Variants in DOK6 observed in about 807,000 individuals in gnomAD.
DOK6 encodes the protein downstream of tyrosine kinase 6.
Under a neutral mutation model 44.0 loss-of-function variants are expected in DOK6, and 22 were observed. The ratio of observed to expected loss-of-function variants is 0.50; its 90% CI spans 0.36 to 0.71. The LOEUF (loss-of-function observed/expected upper bound fraction) is 0.71, where lower values mean the gene tolerates loss of function less well. Ranked by LOEUF, DOK6 falls within the 30% of genes least tolerant of loss-of-function variation. The pLI is 0.00. For synonymous variants in DOK6, 166 were observed against 145.5 expected, an observed-to-expected ratio of 1.14 and a Z score of -1.01; for missense variants, 340 against 416.4, an observed-to-expected ratio of 0.82 and a Z score of 1.60.
At chr18:69,784,079 C>T (rs922641205) in intron 7 of DOK6, among the ~76,000 whole-genome samples, 42 of 151,958 alleles carry the variant, frequency 2.8e-4, no homozygotes, top group Admixed American at 2.7e-3. Context: ...CTCAGCTACT[C>T]GGGAAGCTGA....
At chr18:69,588,679 G>A (rs1038059944) in intron 2 of DOK6, among the ~76,000 whole-genome samples, 9 of 152,138 alleles carry the variant, frequency 5.9e-5, no homozygotes, top group African/African-American at 1.7e-4. Context: ...GCTTGTTGGA[G>A]GGGCAGATAA....
chr18:69,676,192 A>T (rs972413402), intron 3 of DOK6, among the ~76,000 whole-genome samples: 13 of 152,218 alleles, frequency 8.5e-5, no homozygotes, highest in African/African-American at 3.1e-4. Flanking sequence ...TTTCGTAAAT[A>T]AAAGTGCTTC....
intron 7 of DOK6, among the ~76,000 whole-genome samples, chr18:69,818,870 A>C (rs1394343297): frequency 1.3e-5 from 2 of 152,138 alleles, no homozygotes; most frequent in African/African-American, 4.8e-5. Flanking sequence ...TGGCACAACC[A>C]CCAATAGTCA....
intron 7 of DOK6, among the ~76,000 whole-genome samples, chr18:69,826,631 T>C (rs1484848720): frequency 6.6e-6 from 1 of 152,176 alleles, no homozygotes; most frequent in Non-Finnish European, 1.5e-5. Context: ...TCTGATCTCT[T>C]ACTTTCTATT....
At position 69,843,821 on chromosome 18, in the gene DOK6, G is replaced by A. The variant is rs994075702; in HGVS notation, c.*2438G>A. 2 of 152,128 alleles carry A rather than the reference G, an allele frequency of 1.3e-5. No homozygotes were observed. Among genetic ancestry groups the A allele is most frequent in the Non-Finnish European group, 2.9e-5 (2 of 68,040 alleles). The allele number at this position is 152,128 out of a possible 1,614,324, so 9.4% of individuals were successfully genotyped here. On this transcript the variant is annotated 3_prime_UTR_variant, in exon 8 of 8. Transcript: ENST00000382713. ...TTTTAACCAGATCTCGTCACAATGAGGAGAATGCTATAATCTATCTCATGG... is the reference window on the plus strand; with the variant it reads ...TTTTAACCAGATCTCGTCACAATGAAGAGAATGCTATAATCTATCTCATGG...
At chr18:69,417,311 C>A (rs891529134) in intron 1 of DOK6, among the ~76,000 whole-genome samples, 1 of 152,066 alleles carries the variant, frequency 6.6e-6, no homozygotes, top group Non-Finnish European at 1.5e-5. Context: ...TTGTGAGACA[C>A]GTAACGTTTG....
chr18:69,534,372 T>C (rs1029807719), intron 1 of DOK6, among the ~76,000 whole-genome samples: 2 of 152,196 alleles, frequency 1.3e-5, no homozygotes, highest in African/African-American at 4.8e-5. Flanking sequence ...CAATTATCTA[T>C]GCATTTGCTA....
intron 3 of DOK6, among the ~76,000 whole-genome samples, chr18:69,607,121 T>C (rs558256243): frequency 3.5e-4 from 53 of 152,322 alleles, no homozygotes; most frequent in Admixed American, 3.0e-3. Flanking sequence ...TGTGTCACAG[T>C]TGCAGAACCC....
intron 1 of DOK6, among the ~76,000 whole-genome samples, chr18:69,488,855 G>A (rs1980657987): frequency 6.6e-6 from 1 of 152,136 alleles, no homozygotes; most frequent in Non-Finnish European, 1.5e-5. Context: ...TATTCTCTTT[G>A]TGTCACTTCC....
chr18:69,469,748 C>T, intron 1 of DOK6: 1 of 261,676 alleles, frequency 3.8e-6, no homozygotes. Context: ...CACGAGAGGC[C>T]AGGACGCCAT....
At chr18:69,720,196 A>T (rs1279595589) in intron 5 of DOK6, among the ~76,000 whole-genome samples, 10 of 150,756 alleles carry the variant, frequency 6.6e-5, no homozygotes, top group South Asian at 2.1e-4. Context: ...CAAAAAAAAA[A>T]TTTTTTTTTT....
intron 4 of DOK6, among the ~76,000 whole-genome samples, chr18:69,692,168 C>T (rs1051991377): frequency 2.6e-5 from 4 of 152,176 alleles, no homozygotes; most frequent in Non-Finnish European, 4.4e-5. Context: ...CTTTCTCATT[C>T]TCATTGCTGG....
chr18:69,674,395 T>C lies in DOK6; in HGVS notation c.290-3339T>C, dbSNP rs112961863. On this transcript the variant is annotated intron_variant, in intron 3 of 7. Coordinates refer to ENST00000382713, the MANE Select transcript of DOK6 (RefSeq NM_152721.6). ...TCATGAAAAGAATGAACTGATACTG[T>C]TTCTCACATTTTTCTACATGAACTC... Among the ~76,000 whole-genome samples, 806 of 152,242 alleles carry C rather than the reference T, an allele frequency of 5.3e-3. 5 individuals carry two copies. Among genetic ancestry groups the C allele is most frequent in the African/African-American group, 0.019 (780 of 41,524 alleles).
At chr18:69,467,038 A>G (rs1030119420) in intron 1 of DOK6, among the ~76,000 whole-genome samples, 3 of 152,160 alleles carry the variant, frequency 2.0e-5, no homozygotes, top group African/African-American at 7.2e-5. Context: ...TAGCAACGTC[A>G]AAGAGATCAG....
At chr18:69,524,286 C>A (rs1456395747) in intron 1 of DOK6, among the ~76,000 whole-genome samples, 1 of 151,958 alleles carries the variant, frequency 6.6e-6, no homozygotes, top group African/African-American at 2.4e-5. Flanking sequence ...AATTACACAA[C>A]CCAAACATAA....
At chr18:69,774,785 TGGGGA>T (rs1055779013) in intron 7 of DOK6, among the ~76,000 whole-genome samples, 9 of 151,430 alleles carry the variant, frequency 5.9e-5, no homozygotes, top group Non-Finnish European at 8.8e-5. Context: ...ATACAGCAAA[TGGGGA>T]TGAGGTAAAT....
chr18:69,437,614 G>C (rs1485264890), intron 1 of DOK6, among the ~76,000 whole-genome samples: 1 of 152,170 alleles, frequency 6.6e-6, no homozygotes, highest in African/African-American at 2.4e-5. Context: ...GATGCCTCCA[G>C]CTTTGTTCTT....
intron 4 of DOK6, among the ~76,000 whole-genome samples, chr18:69,685,789 G>A (rs536622094): frequency 1.3e-5 from 2 of 152,280 alleles, no homozygotes; most frequent in African/African-American, 4.8e-5. Context: ...TTTCATCAGA[G>A]TATCTTTGCG....
chr18:69,691,232 A>AAAT (rs1568334734), intron 4 of DOK6, among the ~76,000 whole-genome samples: 3 of 138,766 alleles, frequency 2.2e-5, no homozygotes, highest in African/African-American at 8.4e-5. Context: ...AATAAATAAA[A>AAAT]ATATAGAATT....
Sources: gnomAD v4.1 joint callset for allele counts (sites outside exome capture counted in the v4.1 genomes callset) on GRCh38, gnomAD v4.1.1 for gene constraint, MANE v1.5 for transcripts, NCBI Gene and HGNC (gene_info 2026-07-23, HGNC 2026-07-21) for gene names.